The following L3MBTL3 variants were observed in gnomAD, a reference collection of about 807,000 sequenced individuals.
L3MBTL3 encodes lethal(3)malignant brain tumor-like protein 3.
L3MBTL3 carries 27 observed loss-of-function variants against 102.3 expected under a neutral mutation model. The ratio of observed to expected loss-of-function variants is 0.26; its 90% CI spans 0.19 to 0.36. The LOEUF is 0.36. Among genes scored for constraint, L3MBTL3 ranks in the 10% least tolerant of loss-of-function variants. L3MBTL3 has a pLI of 1.00. For missense variants in L3MBTL3, 798 were observed against 955.3 expected (o/e 0.84, Z 2.17); for synonymous variants, 340 against 320.9 (o/e 1.06, Z -0.64).
rs1344405794 is a variant in L3MBTL3, at chr6:130,092,741, C to A, written c.1519-4C>A. ...TGTACTGTTAATGTCCTTGTGTCAT[C>A]CAGGTTCACTTTGATGGCTGGAACA... On this transcript the variant is annotated splice_polypyrimidine_tract_variant and splice_region_variant and intron_variant, in intron 16 of 22. Coordinates refer to ENST00000361794, the MANE Select transcript of L3MBTL3 (RefSeq NM_032438.4). 1.9e-6 allele frequency: 3 copies of A among 1,584,292 alleles called. No individual in the cohort carries two copies. The Admixed American group carries it at 5.0e-5, about 26-fold the overall frequency.
chr6:130,065,381 T>C (rs546092219), intron 10 of L3MBTL3, among the ~76,000 whole-genome samples: 1 of 152,354 alleles, frequency 6.6e-6, no homozygotes, highest in East Asian at 1.9e-4. Flanking sequence ...CATAATCATA[T>C]ACCCATAAAT....
At chr6:130,033,458 G>A (rs1779857222) in intron 2 of L3MBTL3, among the ~76,000 whole-genome samples, 1 of 152,180 alleles carries the variant, frequency 6.6e-6, no homozygotes, top group Admixed American at 6.5e-5. Context: ...CTACAGTGGA[G>A]GTTGGCTTTT....
At chr6:130,069,056 G>A (rs1782460997) in intron 12 of L3MBTL3, among the ~76,000 whole-genome samples, 1 of 152,184 alleles carries the variant, frequency 6.6e-6, no homozygotes, top group African/African-American at 2.4e-5. Flanking sequence ...GTTGGAGGAC[G>A]TGCATGGCTT....
At chr6:130,114,207 C>T (rs978920634) in intron 19 of L3MBTL3, among the ~76,000 whole-genome samples, 1 of 152,166 alleles carries the variant, frequency 6.6e-6, no homozygotes, top group Admixed American at 6.5e-5. Flanking sequence ...TTAGTTAAAA[C>T]ACTCACAGTT....
chr6:130,042,913 A>C (rs1780514318), intron 3 of L3MBTL3, 112 bp downstream of exon 3: 1 of 697,530 alleles, frequency 1.4e-6, no homozygotes, highest in African/African-American at 1.8e-5. Flanking sequence ...ATAGTGGTGT[A>C]GGTTTTAGAT....
At position 130,140,062 on chromosome 6, in the gene L3MBTL3, G is replaced by A. The variant is rs536398270; in HGVS notation, c.*309G>A. The A allele has an allele frequency of 3.7e-4, 65 of 175,494 alleles. 1 individual carries two copies. The South Asian group carries it at 4.3e-3, about 12-fold the overall frequency. The allele number at this position is 175,494 out of a possible 1,614,324, so 10.9% of individuals were successfully genotyped here. A position where few individuals can be genotyped will look rare whatever the true frequency, so the allele number is the denominator to read the frequency against. On this transcript the variant is annotated 3_prime_UTR_variant, in exon 23 of 23. Transcript: ENST00000361794. ...CTTCATTAATTATTTATGGTAATGGGGGGCAGAGTAAGAACTTTTGGCATT... is the reference window on the plus strand; with the variant it reads ...CTTCATTAATTATTTATGGTAATGGAGGGCAGAGTAAGAACTTTTGGCATT...
intron 14 of L3MBTL3, among the ~76,000 whole-genome samples, chr6:130,078,871 A>G (rs1783127660): frequency 6.6e-6 from 1 of 152,164 alleles, no homozygotes; most frequent in African/African-American, 2.4e-5. Flanking sequence ...TGCAGGCGTT[A>G]GTTTGCTCAC....
chr6:130,051,465 G>A lies in L3MBTL3; in HGVS notation c.449+57G>A. 3.4e-6 allele frequency: 5 copies of A among 1,454,232 alleles called. No individual in the cohort carries two copies. In the South Asian group the frequency reaches 4.7e-5, roughly 14 times the overall value. 90.1% of individuals were successfully genotyped at this position (1,454,232 alleles called of 1,614,324 possible). On this transcript the variant is annotated intron_variant, in intron 6 of 22. Transcript: ENST00000361794. Reference sequence around the variant, plus strand: ...GAGTTTTAGATTCCAAAGTCATGGTGCCTGAGAATATAGAAGTTTTATGCT... The same window carrying A: ...GAGTTTTAGATTCCAAAGTCATGGTACCTGAGAATATAGAAGTTTTATGCT...
chr6:130,096,997 C>T lies in L3MBTL3; in HGVS notation c.1736+2630C>T, dbSNP rs182190230. 2.0e-5 allele frequency among the ~76,000 whole-genome samples: 3 copies of T among 152,258 alleles called. No individual in the cohort carries two copies. The East Asian group carries it at 5.8e-4, about 29-fold the overall frequency. ...CCTTGGGCAGAGTTGTTGGTTGACT[C>T]GAGCCCCTGGACCAAGGGATGCAAT... On this transcript the variant is annotated intron_variant, in intron 18 of 22. Coordinates refer to ENST00000361794, the MANE Select transcript of L3MBTL3 (RefSeq NM_032438.4).
intron 19 of L3MBTL3, among the ~76,000 whole-genome samples, chr6:130,106,647 G>GA (rs1335431521): frequency 6.6e-6 from 1 of 152,136 alleles, no homozygotes; most frequent in Non-Finnish European, 1.5e-5. Context: ...TAGGAAGTTT[G>GA]ATTACCATTG....
intron 20 of L3MBTL3, among the ~76,000 whole-genome samples, chr6:130,130,077 A>G (rs1182161201): frequency 1.3e-5 from 2 of 152,228 alleles, no homozygotes; most frequent in Non-Finnish European, 2.9e-5. Context: ...AAGGAGGCAG[A>G]GTTGGTACTA....
intron 7 of L3MBTL3, among the ~76,000 whole-genome samples, chr6:130,054,313 C>G (rs994287838): frequency 1.3e-5 from 2 of 152,072 alleles, no homozygotes; most frequent in East Asian, 1.9e-4. Context: ...AAACAAGAGT[C>G]GAGGGTGTTC....
chr6:130,073,408 C>T (rs1380385473), intron 13 of L3MBTL3, among the ~76,000 whole-genome samples: 2 of 152,154 alleles, frequency 1.3e-5, no homozygotes, highest in African/African-American at 2.4e-5. Context: ...AGGGCGATAA[C>T]TGGGCTCCAG....
intron 19 of L3MBTL3, 54 bp downstream of exon 19, chr6:130,104,629 T>C: frequency 2.4e-6 from 3 of 1,264,102 alleles, no homozygotes; most frequent in Non-Finnish European, 3.2e-6. Context: ...TTTAAAGAGA[T>C]TTTTTATCTT....
chr6:130,040,632 G>A (rs557296291), intron 2 of L3MBTL3, among the ~76,000 whole-genome samples: 8 of 152,230 alleles, frequency 5.3e-5, no homozygotes, highest in African/African-American at 1.9e-4. Flanking sequence ...AATTTAATTG[G>A]CAGCTACAAA....
intron 10 of L3MBTL3, among the ~76,000 whole-genome samples, chr6:130,062,920 C>T (rs1179363064): frequency 6.6e-6 from 1 of 150,976 alleles, no homozygotes; most frequent in Non-Finnish European, 1.5e-5. Flanking sequence ...ATCTTTGATG[C>T]TTATTGCTCC....
At chr6:130,083,599 A>G in intron 14 of L3MBTL3, 21 bp from the exon 15 acceptor site, 1 of 1,195,762 alleles carries the variant, frequency 8.4e-7, no homozygotes, top group East Asian at 2.6e-5. Context: ...ACCTCATAGG[A>G]TTTACATTTT....
At chr6:130,095,146 C>T (rs114869959) in intron 18 of L3MBTL3, among the ~76,000 whole-genome samples, 2,212 of 152,090 alleles carry the variant, frequency 0.015, 18 homozygotes, top group Non-Finnish European at 0.018. Context: ...AATAATTTGT[C>T]GGTATAATGT....
At chr6:130,126,276 C>G (rs62433667) in intron 20 of L3MBTL3, among the ~76,000 whole-genome samples, 4 of 152,148 alleles carry the variant, frequency 2.6e-5, no homozygotes, top group Non-Finnish European at 5.9e-5. Context: ...CAGCCACTCT[C>G]TCTCCTGGGT....
Sources: gnomAD v4.1 joint callset for allele counts (sites outside exome capture counted in the v4.1 genomes callset) on GRCh38, gnomAD v4.1.1 for gene constraint, MANE v1.5 for transcripts, NCBI Gene and HGNC (gene_info 2026-07-23, HGNC 2026-07-21) for gene names.